IQSEC1: variants seen among roughly 807,000 people sequenced by gnomAD.
IQSEC1 encodes the protein IQ motif and SEC7 domain-containing protein 1.
A neutral mutation model predicts 91.0 loss-of-function variants in IQSEC1; 31 were observed. That is an observed-to-expected ratio of 0.34 (90% confidence interval 0.26 to 0.46). IQSEC1 has a LOEUF of 0.46. Ranked by LOEUF, IQSEC1 falls within the 20% of genes least tolerant of loss-of-function variation. The pLI, the probability that IQSEC1 is intolerant of heterozygous loss-of-function variation, is 1.00. For synonymous variants in IQSEC1, 699 were observed against 662.6 expected (o/e 1.05, Z -0.84); for missense variants, 1,388 against 1,575.6 (o/e 0.88, Z 2.02).
At chr3:13,266,922 C>A in intron 1 of IQSEC1, among the ~76,000 whole-genome samples, 1 of 152,250 alleles carries the variant, frequency 6.6e-6, no homozygotes. Context: ...ACGCCCTGGG[C>A]CCCCGCTGCA....
chr3:13,006,047 A>G (rs1426275617), intron 1 of IQSEC1, among the ~76,000 whole-genome samples: 1 of 151,966 alleles, frequency 6.6e-6, no homozygotes, highest in Non-Finnish European at 1.5e-5. Flanking sequence ...TTTAGAGCTT[A>G]CTCCCCTCAC....
intron 3 of IQSEC1, among the ~76,000 whole-genome samples, chr3:12,926,309 CAAA>C (rs33950115): frequency 3.6e-4 from 52 of 143,570 alleles, no homozygotes; most frequent in Non-Finnish European, 3.2e-4. Context: ...GACTCCATGT[CAAA>C]AAAAAAAAAA....
chr3:12,934,676 C>A (rs1191375101), intron 3 of IQSEC1, among the ~76,000 whole-genome samples: 1 of 152,106 alleles, frequency 6.6e-6, no homozygotes, highest in Non-Finnish European at 1.5e-5. Context: ...CTGCACGTTC[C>A]CCAGGCCAAG....
At chr3:13,047,390 G>T in intron 1 of IQSEC1, 2 of 700,598 alleles carry the variant, frequency 2.9e-6, no homozygotes, top group Non-Finnish European at 3.5e-6. Context: ...CCCCCAAAGG[G>T]CTCTTGGAGG....
At position 13,214,913 on chromosome 3, in the gene IQSEC1, C is replaced by T. The variant is rs1370194976; in HGVS notation, c.273-50780G>A. On this transcript the variant is annotated intron_variant, in intron 1 of 15. Coordinates refer to the IQSEC1 transcript ENST00000648114. The surrounding 1 kb of genome is among the most constrained non-coding windows in gnomAD (Gnocchi z 4.5). ...AGCACTAGCCGAATGAACAGGCACC[C>T]GAGTGAACGGATGAGTGGAATTTAC... 6.6e-6 allele frequency among the ~76,000 whole-genome samples: 1 copy of T among 152,200 alleles called. No homozygotes were observed. The highest frequency in any genetic ancestry group is 1.5e-5 in the Non-Finnish European group (1 of 68,048).
chr3:13,240,396 T>C (rs1695001010), intron 1 of IQSEC1, among the ~76,000 whole-genome samples: 1 of 151,802 alleles, frequency 6.6e-6, no homozygotes, highest in Non-Finnish European at 1.5e-5. Context: ...TAAATAAAAA[T>C]TAAAACCCTG....
chr3:12,943,256 A>G (rs1291752889), intron 1 of IQSEC1, among the ~76,000 whole-genome samples: 2 of 152,166 alleles, frequency 1.3e-5, no homozygotes, highest in Non-Finnish European at 2.9e-5. Flanking sequence ...ATGTGCACAC[A>G]TTTCTCTGAC....
At chr3:13,242,807 C>G (rs916103413) in intron 1 of IQSEC1, among the ~76,000 whole-genome samples, 1 of 151,634 alleles carries the variant, frequency 6.6e-6, no homozygotes, top group Non-Finnish European at 1.5e-5. Context: ...TTTCATCTGA[C>G]GCAGACACCA....
intron 2 of IQSEC1, among the ~76,000 whole-genome samples, chr3:13,087,691 G>GT (rs1705761793): frequency 6.6e-6 from 1 of 152,232 alleles, no homozygotes; most frequent in African/African-American, 2.4e-5. Context: ...TTGTGCTGCT[G>GT]TAACAGAATA....
At chr3:13,133,607 G>A (rs1706657880) in intron 2 of IQSEC1, among the ~76,000 whole-genome samples, 1 of 152,256 alleles carries the variant, frequency 6.6e-6, no homozygotes, top group Non-Finnish European at 1.5e-5. Context: ...AGCCAGTTAT[G>A]TAATTGGCCG....
At chr3:13,239,395 C>T (rs908455290) in intron 1 of IQSEC1, among the ~76,000 whole-genome samples, 4 of 152,224 alleles carry the variant, frequency 2.6e-5, no homozygotes, top group Admixed American at 1.3e-4. Flanking sequence ...GGCACACCGC[C>T]GGGCGTGGTC....
chr3:13,089,531 G>C (rs891037141), intron 2 of IQSEC1, among the ~76,000 whole-genome samples: 1 of 152,216 alleles, frequency 6.6e-6, no homozygotes, highest in Admixed American at 6.5e-5. Context: ...GCTTCAGTGA[G>C]CTGTGTTTGT....
intron 1 of IQSEC1, among the ~76,000 whole-genome samples, chr3:13,216,088 A>G (rs1421932992): frequency 1.3e-5 from 2 of 152,240 alleles, no homozygotes; most frequent in Non-Finnish European, 2.9e-5. Flanking sequence ...GCTCTGTCCA[A>G]CACCTATTGG....
chr3:12,941,787 C>A lies in IQSEC1; in HGVS notation c.102G>T (p.Val34=), dbSNP rs1433342115. 1 of 1,611,350 alleles carries A rather than the reference C, an allele frequency of 6.2e-7. No individual in the cohort carries two copies. The highest frequency in any genetic ancestry group is 8.5e-7 in the Non-Finnish European group (1 of 1,179,692). Residue 34 remains valine (V), a synonymous_variant, in exon 2 of 14, where the codon GTG becomes GTT. Coordinates refer to ENST00000613206, the MANE Select transcript of IQSEC1 (RefSeq NM_001134382.3). ...GATCCGGGCTCAGGCTGGAACCGGG[C>A]ACCAAGGGGCCCTGGGGGTAGGCTG... ...SPSAYPQGPL[V]PGSSLSPDHY...
intron 2 of IQSEC1, among the ~76,000 whole-genome samples, chr3:13,090,859 G>C (rs572503596): frequency 2.6e-5 from 4 of 152,286 alleles, no homozygotes; most frequent in South Asian, 4.1e-4. Flanking sequence ...GGGACACTCA[G>C]GCACAGACAG....
chr3:13,072,805 C>G lies in IQSEC1; in HGVS notation c.23+187G>C, dbSNP rs539248893. ...TGACTAATAGCCTTTTTCTCATCGT[C>G]ATCACCAACAAACACCTCCGCTGCA... On this transcript the variant is annotated intron_variant, in intron 1 of 13. Transcript: ENST00000613206. Among the ~76,000 whole-genome samples, 3 of 152,320 alleles carry G rather than the reference C, an allele frequency of 2.0e-5. No homozygotes were observed. In the South Asian group the frequency reaches 6.2e-4, roughly 32 times the overall value.
At chr3:13,027,605 TGAG>T (rs1703671029) in intron 1 of IQSEC1, among the ~76,000 whole-genome samples, 1 of 152,024 alleles carries the variant, frequency 6.6e-6, no homozygotes, top group South Asian at 2.1e-4. Context: ...ATCAATAAGA[TGAG>T]GAGGTGAGAG....
At chr3:12,942,082 C>A (rs1365479142) in intron 1 of IQSEC1, among the ~76,000 whole-genome samples, 2 of 152,212 alleles carry the variant, frequency 1.3e-5, no homozygotes, top group Non-Finnish European at 2.9e-5. Flanking sequence ...GTGAAGTGCA[C>A]CATCCTCTGA....
At chr3:13,106,199 G>C (rs1706148991) in intron 2 of IQSEC1, among the ~76,000 whole-genome samples, 1 of 152,130 alleles carries the variant, frequency 6.6e-6, no homozygotes, top group African/African-American at 2.4e-5. Context: ...GCCTGGGAAA[G>C]CTCAACCCAT....
Sources: allele counts gnomAD v4.1 joint callset (sites outside exome capture counted in the v4.1 genomes callset), GRCh38; gene constraint gnomAD v4.1.1; non-coding constraint Gnocchi (gnomAD v3.1); transcripts MANE v1.5; gene names NCBI Gene and HGNC (gene_info 2026-07-23, HGNC 2026-07-21).